Variants in EFL1 observed in about 807,000 individuals in gnomAD.
The protein encoded by EFL1 is elongation factor like GTPase 1.
EFL1 carries 76 observed loss-of-function variants against 126.7 expected under a neutral mutation model. That is an observed-to-expected ratio of 0.60 (90% CI 0.50 to 0.73). The LOEUF is 0.73. Among genes scored for constraint, EFL1 ranks in the 30% least tolerant of loss-of-function variants. The pLI, the probability that EFL1 is intolerant of heterozygous loss-of-function variation, is 0.00. For missense variants in EFL1, 1,128 were observed against 1,343.2 expected (o/e 0.84, Z 2.50); for synonymous variants, 410 against 448.4 (o/e 0.91, Z 1.08).
chr15:82,247,324 G>A (rs1232211303), intron 4 of EFL1, among the ~76,000 whole-genome samples: 2 of 152,090 alleles, frequency 1.3e-5, no homozygotes, highest in Non-Finnish European at 2.9e-5. Flanking sequence ...CAATGTTGTT[G>A]AGAGGATAAG....
chr15:82,153,317 G>T (rs1190401927), intron 17 of EFL1, among the ~76,000 whole-genome samples: 1 of 152,040 alleles, frequency 6.6e-6, no homozygotes, highest in East Asian at 1.9e-4. Context: ...ACCCGACATT[G>T]TATGTTTTTA....
At chr15:82,250,909 T>C (rs531385739) in intron 4 of EFL1, among the ~76,000 whole-genome samples, 2 of 152,280 alleles carry the variant, frequency 1.3e-5, no homozygotes, top group African/African-American at 2.4e-5. Flanking sequence ...CTCTGGTCTA[T>C]GCAATCAAGA....
chr15:82,162,758 A>T (rs541809005), intron 16 of EFL1, among the ~76,000 whole-genome samples: 1 of 152,294 alleles, frequency 6.6e-6, no homozygotes, highest in African/African-American at 2.4e-5. Flanking sequence ...GGGATCCTTA[A>T]TGGCTAGGGG....
chr15:82,245,460 C>G (rs977669478), intron 4 of EFL1, among the ~76,000 whole-genome samples: 1 of 152,064 alleles, frequency 6.6e-6, no homozygotes, highest in Non-Finnish European at 1.5e-5. Context: ...TCTTAAATCA[C>G]TATTATCCTT....
intron 7 of EFL1, among the ~76,000 whole-genome samples, chr15:82,233,151 A>C (rs1012807160): frequency 6.6e-6 from 1 of 152,198 alleles, no homozygotes; most frequent in African/African-American, 2.4e-5. Context: ...ATACGGGTAC[A>C]CAAATCTTTC....
Position 82,152,146 on chromosome 15 carries a change from T to C in EFL1, c.2308A>G (p.Ser770Gly). 1 of 1,614,174 alleles carries C rather than the reference T, an allele frequency of 6.2e-7. No homozygotes were observed. Among genetic ancestry groups the C allele is most frequent in the Non-Finnish European group, 8.5e-7 (1 of 1,180,038 alleles). The change falls in exon 18 of 20, where the codon AGT becomes GGT. Residue 770 changes from serine to glycine, a missense_variant. By Grantham distance (56) the Ser-to-Gly change is moderately conservative (BLOSUM62 0). This residue lies in a region of EFL1 where 561 missense variants were observed against 641.7 expected (regional missense o/e 0.87). Coordinates refer to ENST00000268206, the MANE Select transcript of EFL1 (RefSeq NM_024580.6). Reference protein sequence around the residue: ...EEVTQILEENSDLIRSMEQLT... With the variant: ...EEVTQILEENGDLIRSMEQLT... Reference sequence around the variant, plus strand: ...TGCTCCATAGAACGAATCAAATCACTATTTTCTTCCAGAATCTGGGTGACT... The same window carrying C: ...TGCTCCATAGAACGAATCAAATCACCATTTTCTTCCAGAATCTGGGTGACT...
chr15:82,248,442 T>C (rs2074992814), intron 4 of EFL1, among the ~76,000 whole-genome samples: 1 of 152,156 alleles, frequency 6.6e-6, no homozygotes, highest in Non-Finnish European at 1.5e-5. Flanking sequence ...TTAGATGGCA[T>C]GAGTCAGTGT....
chr15:82,171,898 C>CACACACACACACACA (rs2074139842), intron 15 of EFL1, among the ~76,000 whole-genome samples: 1 of 151,816 alleles, frequency 6.6e-6, no homozygotes, highest in Non-Finnish European at 1.5e-5. Flanking sequence ...CACACACACA[C>CACACACACACACACA]CCTGTAAAGA....
Position 82,234,010 on chromosome 15 carries a change from T to C in EFL1, c.732-3039A>G, listed in dbSNP as rs1409307942. The stretch of plus-strand genomic sequence containing the variant: ...AATCTCTAAATCTGACCTTGTCTAA[T>C]ACAGGGGAACATTCATTTATTGGCT... On this transcript the variant is annotated intron_variant, in intron 7 of 19. Coordinates refer to ENST00000268206, the MANE Select transcript of EFL1 (RefSeq NM_024580.6). 3.9e-5 allele frequency among the ~76,000 whole-genome samples: 6 copies of C among 152,326 alleles called. No individual in the cohort carries two copies. The East Asian group carries it at 1.2e-3, about 29-fold the overall frequency.
rs1595994030 is a variant in EFL1, at chr15:82,225,055, G to A, written c.1292+110C>T. 1.7e-5 allele frequency: 12 copies of A among 694,276 alleles called. No individual in the cohort carries two copies. In the East Asian group the frequency reaches 3.2e-4, roughly 18 times the overall value. The allele number at this position is 694,276 out of a possible 1,614,324, so 43.0% of individuals were successfully genotyped here. On this transcript the variant is annotated intron_variant, in intron 12 of 19. Transcript: ENST00000268206. ...TGGGGGTTGGCTTGATATGAATTCT[G>A]GGTTGAGGAGGAAAAGCATTATCCG... is the stretch of plus-strand genomic sequence containing the variant.
intron 18 of EFL1, among the ~76,000 whole-genome samples, chr15:82,143,663 A>G (rs1011093633): frequency 2.0e-5 from 3 of 152,188 alleles, no homozygotes; most frequent in Non-Finnish European, 4.4e-5. Flanking sequence ...TACTATATAG[A>G]TAGATCAGCT....
chr15:82,138,743 A>T lies in EFL1; in HGVS notation c.3089T>A (p.Val1030Asp). The part of the protein sequence containing the change: ...DMFIIKAVLP[V>D]AESFGFADEI... The stretch of plus-strand genomic sequence containing the variant: ...ATCAGCAAAACCAAAGCTTTCAGCA[A>T]CAGGCAGCACAGCCTTGATGATGAA... The change falls in exon 19 of 20, where the codon GTT becomes GAT. Residue 1030 changes from valine (V) to aspartate (D), a missense_variant. This residue lies in a region of EFL1 where 561 missense variants were observed against 641.7 expected (regional missense o/e 0.87). Coordinates refer to ENST00000268206, the MANE Select transcript of EFL1 (RefSeq NM_024580.6). The T allele has an allele frequency of 6.2e-7, 1 of 1,614,096 alleles. No individual in the cohort carries two copies. The highest frequency in any genetic ancestry group is 1.1e-5 in the South Asian group (1 of 91,084).
At chr15:82,225,985 G>A (rs2074759576) in intron 11 of EFL1, among the ~76,000 whole-genome samples, 1 of 152,032 alleles carries the variant, frequency 6.6e-6, no homozygotes, top group Admixed American at 6.6e-5. Context: ...AAAACCACAG[G>A]AAGTAAGAAT....
intron 15 of EFL1, among the ~76,000 whole-genome samples, chr15:82,203,807 T>A (rs887518778): frequency 6.6e-6 from 1 of 152,242 alleles, no homozygotes; most frequent in African/African-American, 2.4e-5. Flanking sequence ...TAATATTCCA[T>A]TGTGCACCAT....
chr15:82,227,391 A>G lies in EFL1; in HGVS notation c.1192+59T>C, dbSNP rs2141311772. ...AGCGTTCAGCAAACTGGTCTAGAGC[A>G]GCCTGGATGGAGGACAGTCAATGAC... On this transcript the variant is annotated intron_variant, in intron 11 of 19. Coordinates refer to ENST00000268206, the MANE Select transcript of EFL1 (RefSeq NM_024580.6). 3.1e-6 allele frequency: 5 copies of G among 1,613,244 alleles called. No homozygotes were observed. The South Asian group carries it at 5.5e-5, about 18-fold the overall frequency.
chr15:82,259,217 C>G, intron 2 of EFL1, 62 bp from the exon 3 acceptor site: 2 of 1,407,372 alleles, frequency 1.4e-6, no homozygotes, highest in South Asian at 1.2e-5. Flanking sequence ...ATGGATCATA[C>G]CTATAGATTT....
At chr15:82,143,011 A>C (rs2073805334) in intron 18 of EFL1, among the ~76,000 whole-genome samples, 1 of 152,142 alleles carries the variant, frequency 6.6e-6, no homozygotes, top group Non-Finnish European at 1.5e-5. Flanking sequence ...CTTCTTCCAT[A>C]ATATTAAGAT....
At chr15:82,170,987 T>C (rs1417979373) in intron 15 of EFL1, among the ~76,000 whole-genome samples, 1 of 152,190 alleles carries the variant, frequency 6.6e-6, no homozygotes. Context: ...TGCTGGAAAT[T>C]TGTTTTAAGA....
At position 82,230,958 on chromosome 15, in the gene EFL1, C is replaced by G. The variant is rs745854173; in HGVS notation, c.745G>C (p.Ala249Pro). 1 of 1,611,254 alleles carries G rather than the reference C, an allele frequency of 6.2e-7. No homozygotes were observed. The highest frequency in any genetic ancestry group is 1.7e-5 in the Admixed American group (1 of 59,546). The change falls in exon 8 of 20, where the codon GCC (alanine) becomes CCC (proline). Residue 249 changes from alanine (A) to proline (P), a missense_variant. Physicochemically the swap from Ala to Pro is conservative, Grantham distance 27. This residue lies in a region of EFL1 where 316 missense variants were observed against 318.5 expected (regional missense o/e 0.99). Coordinates refer to ENST00000268206, the MANE Select transcript of EFL1 (RefSeq NM_024580.6). ...DGWGFGIEHF[A>P]RIYSQKIGIK... ...CCAATTTTTTGACTGTAGATTCTGG[C>G]GAAGTGCTCAATTCTGAAAGAAGAC...
Sources: gnomAD v4.1 joint callset for allele counts (sites outside exome capture counted in the v4.1 genomes callset) on GRCh38, gnomAD v4.1.1 for gene constraint, gnomAD v4.1.1 regional missense constraint, MANE v1.5 for transcripts, NCBI Gene and HGNC (gene_info 2026-07-23, HGNC 2026-07-21) for gene names.